RNF212B: variants seen among roughly 807,000 people sequenced by gnomAD.
RNF212B encodes the protein E3 ubiquitin-protein ligase RNF212B.
A neutral mutation model predicts 55.5 loss-of-function variants in RNF212B; 52 were observed. That is an observed-to-expected ratio of 0.94 (90% confidence interval 0.75 to 1.18). The LOEUF is 1.18. Ranked by LOEUF, RNF212B falls within the 50% of genes most tolerant of loss-of-function variation. The pLI, the probability that RNF212B is intolerant of heterozygous loss-of-function variation, is 0.00. For missense variants in RNF212B, 289 were observed against 350.4 expected, an observed-to-expected ratio of 0.82 and a Z score of 1.40; for synonymous variants, 99 against 121.4, an observed-to-expected ratio of 0.82 and a Z score of 1.21.
intron 2 of RNF212B, among the ~76,000 whole-genome samples, chr14:23,202,381 C>T (rs908689892): frequency 2.6e-5 from 4 of 152,030 alleles, no homozygotes; most frequent in African/African-American, 9.7e-5. Flanking sequence ...AGAAACTAAA[C>T]TTATTTATCT....
At chr14:23,244,280 C>G in intron 3 of RNF212B, 42 bp from the exon 4 acceptor site, 2 of 1,147,262 alleles carry the variant, frequency 1.7e-6, no homozygotes, top group South Asian at 2.9e-5. Context: ...TTATTTTATT[C>G]AATTGTGGAT....
chr14:23,253,942 G>A (rs1014587711), intron 4 of RNF212B, among the ~76,000 whole-genome samples: 4 of 152,006 alleles, frequency 2.6e-5, no homozygotes, highest in African/African-American at 9.7e-5. Context: ...TAAATTGCGT[G>A]CAAAAATAAA....
chr14:23,264,974 A>G (rs1885579895), intron 11 of RNF212B, among the ~76,000 whole-genome samples: 2 of 151,990 alleles, frequency 1.3e-5, no homozygotes, highest in African/African-American at 4.8e-5. Flanking sequence ...GGCATGTGCC[A>G]CCACGCCTGG....
intron 2 of RNF212B, among the ~76,000 whole-genome samples, chr14:23,201,321 T>G (rs1264013459): frequency 6.6e-6 from 1 of 152,222 alleles, no homozygotes; most frequent in Non-Finnish European, 1.5e-5. Context: ...TGTCTGTGGA[T>G]GACAAAAAGT....
intron 2 of RNF212B, among the ~76,000 whole-genome samples, chr14:23,229,220 T>TTA (rs61656270): frequency 0.055 from 3,506 of 63,916 alleles, 154 homozygotes; most frequent in Middle Eastern, 0.067. Context: ...GAATAATATT[T>TTA]TATATATATA....
In RNF212B at chr14:23,202,933, C is replaced by T. The variant is rs141617422; in HGVS notation, c.-2+9532C>T. Reference sequence around the variant, plus strand: ...CATTTTAGACCCAGGAGTTAAAGCCCTCTAACTCAATGTTACAAGGACTTT... The same window carrying T: ...CATTTTAGACCCAGGAGTTAAAGCCTTCTAACTCAATGTTACAAGGACTTT... On this transcript the variant is annotated intron_variant, in intron 2 of 15. Coordinates refer to the RNF212B transcript ENST00000399910. 3.7e-3 allele frequency among the ~76,000 whole-genome samples: 563 copies of T among 151,484 alleles called. 3 individuals carry two copies. The highest frequency in any genetic ancestry group is 0.013 in the African/African-American group (532 of 41,368).
chr14:23,240,482 T>C, intron 2 of RNF212B, 37 bp downstream of exon 2: 2 of 1,381,526 alleles, frequency 1.4e-6, no homozygotes, highest in Non-Finnish European at 2.0e-6. Flanking sequence ...CAGGGAAAAA[T>C]GTTTTCATGT....
intron 4 of RNF212B, 37 bp from the exon 5 acceptor site, chr14:23,258,512 T>A: frequency 1.0e-6 from 1 of 997,668 alleles, no homozygotes; most frequent in Non-Finnish European, 1.5e-6. Flanking sequence ...AAAGGAGTTA[T>A]GGGAGAGTAT....
intron 2 of RNF212B, among the ~76,000 whole-genome samples, chr14:23,195,631 C>A (rs1878585654): frequency 6.6e-6 from 1 of 152,214 alleles, no homozygotes; most frequent in Non-Finnish European, 1.5e-5. Flanking sequence ...GACCTCCACA[C>A]CTCAAATGAA....
chr14:23,250,074 C>T (rs756800986), intron 4 of RNF212B, among the ~76,000 whole-genome samples: 2 of 152,308 alleles, frequency 1.3e-5, no homozygotes, highest in East Asian at 3.9e-4. Flanking sequence ...CAAGTTATTA[C>T]GTAAGGTTAT....
chr14:23,226,025 C>T (rs1026566642), intron 2 of RNF212B, among the ~76,000 whole-genome samples: 10 of 151,948 alleles, frequency 6.6e-5, no homozygotes, highest in Non-Finnish European at 1.0e-4. Flanking sequence ...CTCGGCTGGG[C>T]GCGGTGGCTC....
intron 14 of RNF212B, among the ~76,000 whole-genome samples, chr14:23,271,396 T>C (rs1231192428): frequency 6.6e-6 from 1 of 151,498 alleles, no homozygotes; most frequent in Non-Finnish European, 1.5e-5. Flanking sequence ...TGAGCCGAGA[T>C]TGCGCCACTG....
chr14:23,264,910 C>T (rs1314159043), intron 11 of RNF212B, among the ~76,000 whole-genome samples: 2 of 151,822 alleles, frequency 1.3e-5, no homozygotes, highest in Non-Finnish European at 2.9e-5. Context: ...CATCCTCCGC[C>T]TCCCATGTTC....
chr14:23,200,976 C>A (rs574292042), intron 2 of RNF212B, among the ~76,000 whole-genome samples: 86 of 152,254 alleles, frequency 5.6e-4, no homozygotes, highest in African/African-American at 2.0e-3. Flanking sequence ...TACAGAGAAA[C>A]AAATATGCTC....
chr14:23,241,579 A>G (rs2140437067), intron 2 of RNF212B, among the ~76,000 whole-genome samples: 1 of 151,980 alleles, frequency 6.6e-6, no homozygotes, highest in African/African-American at 2.4e-5. Context: ...ATGCACCACC[A>G]TGCCTGGCTA....
chr14:23,209,910 T>A (rs1429356041), intron 2 of RNF212B, among the ~76,000 whole-genome samples: 6 of 152,184 alleles, frequency 3.9e-5, no homozygotes, highest in Non-Finnish European at 1.5e-5. Context: ...CACAGCACTT[T>A]GGGAGGCCGA....
chr14:23,257,775 A>G (rs1165309889), intron 4 of RNF212B, among the ~76,000 whole-genome samples: 1 of 152,212 alleles, frequency 6.6e-6, no homozygotes, highest in Non-Finnish European at 1.5e-5. Context: ...AAATTCAAGC[A>G]TAGGTAATCT....
chr14:23,240,916 A>G (rs1386214789), intron 2 of RNF212B, among the ~76,000 whole-genome samples: 2 of 152,234 alleles, frequency 1.3e-5, no homozygotes, highest in African/African-American at 4.8e-5. Flanking sequence ...CCTCACCACA[A>G]GCCCAGGTGG....
chr14:23,186,835 A>G (rs982460068), intron 1 of RNF212B, among the ~76,000 whole-genome samples: 2 of 152,212 alleles, frequency 1.3e-5, no homozygotes, highest in Admixed American at 6.5e-5. Flanking sequence ...AAGACAGTCT[A>G]TTTGAGGGCA....
Sources: gnomAD v4.1 joint callset for allele counts (sites outside exome capture counted in the v4.1 genomes callset) on GRCh38, gnomAD v4.1.1 for gene constraint, MANE v1.5 for transcripts, NCBI Gene and HGNC (gene_info 2026-07-23, HGNC 2026-07-21) for gene names.